CSMD3: variants seen among roughly 807,000 people sequenced by gnomAD.
CSMD3 encodes CUB and Sushi multiple domains 3, also known as CUB and sushi domain-containing protein 3.
Under a neutral mutation model 435.2 loss-of-function variants are expected in CSMD3, and 177 were observed. The observed-to-expected ratio is 0.41, with a 90% CI of 0.36 to 0.46. CSMD3 has a LOEUF of 0.46. Among genes scored for constraint, CSMD3 ranks in the 20% least tolerant of loss-of-function variants. The pLI, the probability that CSMD3 is intolerant of heterozygous loss-of-function variation, is 0.34. For missense variants in CSMD3, 4,265 were observed against 4,504.6 expected (o/e 0.95, Z 1.52); for synonymous variants, 1,656 against 1,520.5 (o/e 1.09, Z -2.07).
intron 32 of CSMD3, among the ~76,000 whole-genome samples, chr8:112,416,108 C>T (rs529184274): frequency 2.0e-5 from 3 of 152,146 alleles, no homozygotes; most frequent in African/African-American, 7.2e-5. Context: ...GGACCATGGG[C>T]TGTGTCCTCA....
intron 11 of CSMD3, among the ~76,000 whole-genome samples, chr8:112,833,386 T>C (rs1244792627): frequency 2.0e-5 from 3 of 152,016 alleles, no homozygotes; most frequent in Non-Finnish European, 2.9e-5. Context: ...AAGTGGTATT[T>C]TATCTTTATA....
chr8:113,230,254 T>G (rs1351779392), intron 3 of CSMD3, among the ~76,000 whole-genome samples: 1 of 151,720 alleles, frequency 6.6e-6, no homozygotes, highest in Non-Finnish European at 1.5e-5. Flanking sequence ...TAACATCTGT[T>G]GATTTAATTA....
intron 3 of CSMD3, among the ~76,000 whole-genome samples, chr8:113,223,805 G>T (rs2092996782): frequency 1.3e-5 from 2 of 149,244 alleles, no homozygotes; most frequent in South Asian, 4.2e-4. Flanking sequence ...TCATGTATCT[G>T]TGTGTTGTAT....
intron 9 of CSMD3, among the ~76,000 whole-genome samples, chr8:112,924,917 C>T (rs1018802513): frequency 5.3e-5 from 8 of 152,084 alleles, no homozygotes; most frequent in Non-Finnish European, 7.4e-5. Context: ...ATATCAAGCA[C>T]TCAGTTATTT....
intron 32 of CSMD3, 131 bp downstream of exon 32, chr8:112,472,460 T>C: frequency 1.4e-6 from 1 of 690,522 alleles, no homozygotes; most frequent in South Asian, 1.6e-5. Flanking sequence ...AAAATCACTA[T>C]CTAAAAAGAA....
At chr8:112,274,158 G>A (rs150836301) in intron 59 of CSMD3, among the ~76,000 whole-genome samples, 121 of 151,440 alleles carry the variant, frequency 8.0e-4, no homozygotes, top group African/African-American at 2.7e-3. Flanking sequence ...TTCCTTCAAC[G>A]TGGAGTAACA....
chr8:112,499,312 T>C (rs538636177), intron 30 of CSMD3, among the ~76,000 whole-genome samples: 3 of 152,048 alleles, frequency 2.0e-5, no homozygotes, highest in Non-Finnish European at 4.4e-5. Flanking sequence ...TTTCATAATA[T>C]ATAAACAAAG....
rs528383199 is a variant in CSMD3, at chr8:112,398,381, C to T, written c.5810-7593G>A. ...CATGCCTGTGGTTCTCCCTGACTAA[C>T]ATCACACACCAGTGGCTCTACTGTT... On this transcript the variant is annotated intron_variant, in intron 35 of 70. Coordinates refer to ENST00000297405, the MANE Select transcript of CSMD3 (RefSeq NM_198123.2). 4.6e-5 allele frequency among the ~76,000 whole-genome samples: 7 copies of T among 152,298 alleles called. No individual in the cohort carries two copies. In the East Asian group the frequency reaches 1.2e-3, roughly 25 times the overall value.
intron 5 of CSMD3, among the ~76,000 whole-genome samples, chr8:113,070,197 A>G (rs953394539): frequency 6.6e-6 from 1 of 152,046 alleles, no homozygotes; most frequent in Non-Finnish European, 1.5e-5. Flanking sequence ...GCTTTTTAAA[A>G]ATTTATCTCC....
At chr8:113,406,591 CAT>C (rs1456304257) in intron 1 of CSMD3, among the ~76,000 whole-genome samples, 1 of 151,932 alleles carries the variant, frequency 6.6e-6, no homozygotes, top group African/African-American at 2.4e-5. Context: ...CTAGTTATTT[CAT>C]ATGTGTGTAT....
chr8:112,841,898 C>T (rs183719826), intron 11 of CSMD3, among the ~76,000 whole-genome samples: 88 of 151,876 alleles, frequency 5.8e-4, no homozygotes, highest in Non-Finnish European at 1.1e-3. Context: ...AAATTCAAAG[C>T]AGATATGTAA....
intron 13 of CSMD3, among the ~76,000 whole-genome samples, chr8:112,742,338 G>T (rs1364508624): frequency 5.9e-5 from 9 of 151,576 alleles, no homozygotes; most frequent in Non-Finnish European, 1.2e-4. Context: ...TCCATTATCA[G>T]CAGAGAAAGA....
At chr8:112,261,448 A>G (rs115996395) in intron 61 of CSMD3, among the ~76,000 whole-genome samples, 42 of 152,124 alleles carry the variant, frequency 2.8e-4, no homozygotes, top group African/African-American at 9.4e-4. Flanking sequence ...CCAGGGTAGC[A>G]TACTTTGTGT....
At chr8:112,499,489 T>C (rs144091955) in intron 30 of CSMD3, among the ~76,000 whole-genome samples, 2 of 152,194 alleles carry the variant, frequency 1.3e-5, no homozygotes, top group African/African-American at 2.4e-5. Context: ...CATTAGATGA[T>C]ACAAATTTCT....
rs374901747 is a variant in CSMD3 at position 112,258,382 on chromosome 8, A to G, written c.9863-2955T>C. Among the ~76,000 whole-genome samples, 356 of 152,288 alleles carry G rather than the reference A, an allele frequency of 2.3e-3. 2 individuals are homozygous for G. The highest frequency in any genetic ancestry group is 8.2e-3 in the African/African-American group (339 of 41,568). ...GAGAAAATTTTTGCAATCTATTCAT[A>G]TGACAAAGGGCTAATATCCAGAATC... On this transcript the variant is annotated intron_variant, in intron 61 of 70. Transcript: ENST00000297405.
chr8:112,583,039 G>T (rs1830449249), intron 23 of CSMD3, among the ~76,000 whole-genome samples: 2 of 152,002 alleles, frequency 1.3e-5, no homozygotes, highest in Admixed American at 1.3e-4. Flanking sequence ...ATCTAAGATG[G>T]TGGAAATAGG....
chr8:112,704,393 T>C (rs1346895888), intron 13 of CSMD3, among the ~76,000 whole-genome samples: 1 of 152,172 alleles, frequency 6.6e-6, no homozygotes, highest in African/African-American at 2.4e-5. Flanking sequence ...AAGTTGTTTT[T>C]ATGATTGCAC....
chr8:112,408,306 A>C lies in CSMD3; in HGVS notation c.5605+12T>G. On this transcript the variant is annotated intron_variant, in intron 34 of 70. Transcript: ENST00000297405. The stretch of plus-strand genomic sequence containing the variant: ...ATTCCTTAGTGTGTTTCTAGACTAC[A>C]GGGTCACTTACCTTGGTAAACAAAG... 1 of 1,498,098 alleles carries C rather than the reference A, an allele frequency of 6.7e-7. No individual in the cohort carries two copies. The highest frequency in any genetic ancestry group is 2.3e-5 in the East Asian group (1 of 44,220). 92.8% of individuals were successfully genotyped at this position (1,498,098 alleles called of 1,614,324 possible).
intron 16 of CSMD3, among the ~76,000 whole-genome samples, chr8:112,667,876 T>C (rs1482965474): frequency 6.6e-6 from 1 of 152,160 alleles, no homozygotes; most frequent in Non-Finnish European, 1.5e-5. Context: ...GTGTTTATAT[T>C]TTTCCTAGCT....
Sources: allele counts gnomAD v4.1 joint callset (sites outside exome capture counted in the v4.1 genomes callset), GRCh38; gene constraint gnomAD v4.1.1; transcripts MANE v1.5; gene names NCBI Gene and HGNC (gene_info 2026-07-23, HGNC 2026-07-21).